LANCL1: variants seen among roughly 807,000 people sequenced by gnomAD.
LANCL1 encodes LanC like glutathione S-transferase 1, also known as glutathione S-transferase LANCL1.
LANCL1 carries 50 observed loss-of-function variants against 50.6 expected under a neutral mutation model. The ratio of observed to expected loss-of-function variants is 0.99; its 90% CI spans 0.79 to 1.25. The LOEUF is 1.25. Ranked by LOEUF, LANCL1 falls within the 50% of genes most tolerant of loss-of-function variation. The pLI is 0.00. For missense variants in LANCL1, 532 were observed against 480.7 expected (o/e 1.11, Z -1.00); for synonymous variants, 188 against 178.6 (o/e 1.05, Z -0.42).
At chr2:210,459,833 G>A (rs559319347) in intron 3 of LANCL1, among the ~76,000 whole-genome samples, 2 of 151,746 alleles carry the variant, frequency 1.3e-5, no homozygotes, top group Admixed American at 6.6e-5. Flanking sequence ...GCTTCAGCAC[G>A]AAAGCTGTGA....
chr2:210,477,441 A>C (rs1028780560), upstream of LANCL1: 8 of 1,031,422 alleles, frequency 7.8e-6, no homozygotes, highest in African/African-American at 1.3e-4. Context: ...ATTTAAAATT[A>C]AATCCCACCT....
chr2:210,463,455 T>C (rs1450800777), intron 3 of LANCL1, among the ~76,000 whole-genome samples: 1 of 152,184 alleles, frequency 6.6e-6, no homozygotes, highest in Admixed American at 6.5e-5. Context: ...ACAGTAGTTA[T>C]TGGTGTACGT....
chr2:210,465,036 G>A (rs557983863), intron 3 of LANCL1, among the ~76,000 whole-genome samples: 2 of 151,822 alleles, frequency 1.3e-5, no homozygotes, highest in East Asian at 3.9e-4. Flanking sequence ...AGTCAAGAGA[G>A]ATGTCAAAAA....
intron 2 of LANCL1, among the ~76,000 whole-genome samples, chr2:210,475,177 T>G (rs190583229): frequency 2.0e-5 from 3 of 152,250 alleles, no homozygotes; most frequent in Admixed American, 2.0e-4. Context: ...AAAACAACCA[T>G]CAGACCCACA....
chr2:210,455,567 C>T (rs916220005), intron 3 of LANCL1, among the ~76,000 whole-genome samples: 2 of 152,084 alleles, frequency 1.3e-5, no homozygotes, highest in African/African-American at 4.8e-5. Flanking sequence ...GTCTCTAAGG[C>T]TCTGGCCAAT....
Position 210,451,872 on chromosome 2 carries a change from T to A in LANCL1, c.407+3235A>T, listed in dbSNP as rs1396185277. Among the ~76,000 whole-genome samples the A allele has an allele frequency of 2.0e-5, 3 of 152,232 alleles. No individual in the cohort carries two copies. In the East Asian group the frequency reaches 5.8e-4, roughly 29 times the overall value. ...GTCATTGAAAGGAACAAAGTTTTGATACATTCTATAACGTAGATAAACCTT... is the reference window on the plus strand; with the variant it reads ...GTCATTGAAAGGAACAAAGTTTTGAAACATTCTATAACGTAGATAAACCTT... On this transcript the variant is annotated intron_variant, in intron 4 of 9. Transcript: ENST00000450366.
chr2:210,469,509 A>C (rs866266427), intron 3 of LANCL1, among the ~76,000 whole-genome samples: 1 of 152,144 alleles, frequency 6.6e-6, no homozygotes, highest in Non-Finnish European at 1.5e-5. Flanking sequence ...ATTTATCTAG[A>C]AGATTTTACG....
In LANCL1 at chr2:210,441,187, G is replaced by A. The variant is rs550426874; in HGVS notation, c.543+121C>T. 3.5e-5 allele frequency: 35 copies of A among 990,996 alleles called. No homozygotes were observed. The East Asian group carries it at 8.0e-4, about 23-fold the overall frequency. The allele number at this position is 990,996 out of a possible 1,614,324, so 61.4% of individuals were successfully genotyped here. On this transcript the variant is annotated intron_variant, in intron 5 of 9. Coordinates refer to ENST00000450366, the MANE Select transcript of LANCL1 (RefSeq NM_006055.3). The stretch of plus-strand genomic sequence containing the variant: ...TCTTGGACTGTGCCCAACCTTTAGA[G>A]GTCCAGATACACCTTCCTTTATATG...
At chr2:210,460,207 G>A (rs757940077) in intron 3 of LANCL1, among the ~76,000 whole-genome samples, 2 of 152,090 alleles carry the variant, frequency 1.3e-5, no homozygotes, top group East Asian at 1.9e-4. Flanking sequence ...TTTGTGCCAC[G>A]GTACTTTAGC....
rs544241932 is a variant in LANCL1, at chr2:210,451,049, G to A, written c.407+4058C>T. Among the ~76,000 whole-genome samples the A allele has an allele frequency of 7.0e-4, 107 of 152,164 alleles. 3 individuals carry two copies. In the South Asian group the frequency reaches 0.022, roughly 32 times the overall value. On this transcript the variant is annotated intron_variant, in intron 4 of 9. Transcript: ENST00000450366. Reference sequence around the variant, plus strand: ...GCACACGTATGTTTATTGCAACACTGTTCACAATAGCAAAGACATGGAACC... The same window carrying A: ...GCACACGTATGTTTATTGCAACACTATTCACAATAGCAAAGACATGGAACC...
At chr2:210,477,425 T>C (rs143301543), upstream of LANCL1, 20 of 861,224 alleles carry the variant, frequency 2.3e-5, no homozygotes, top group Admixed American at 3.8e-4. Context: ...GAAACATTTT[T>C]CTTTCATTTA....
At chr2:210,439,125 G>A (rs372427596) in intron 6 of LANCL1, among the ~76,000 whole-genome samples, 82 of 152,288 alleles carry the variant, frequency 5.4e-4, no homozygotes, top group African/African-American at 1.9e-3. Flanking sequence ...CCTCAAACTT[G>A]CAGGAATTAC....
Position 210,437,879 on chromosome 2 carries a change from A to G in LANCL1, c.691-7T>C. ...GGCTCACTTGAAGGCTGGGCTAAAA[A>G]TGAGAAGGAAATTATTAGTTCTGCT... On this transcript the variant is annotated splice_polypyrimidine_tract_variant and splice_region_variant and intron_variant, in intron 6 of 9. Transcript: ENST00000450366. 6.3e-7 allele frequency: 1 copy of G among 1,578,328 alleles called. No homozygotes were observed. Among genetic ancestry groups the G allele is most frequent in the Non-Finnish European group, 8.6e-7 (1 of 1,164,042 alleles).
chr2:210,455,106 C>T lies in LANCL1; in HGVS notation c.407+1G>A. On this transcript the variant is annotated splice_donor_variant, in intron 4 of 9. Coordinates refer to ENST00000450366, the MANE Select transcript of LANCL1 (RefSeq NM_006055.3). LOFTEE classifies it high-confidence loss of function. ...TAATCCTCATATAGAAACATGATTACCGTGTGATGCAATCTTCTGCCTGCT... is the reference window on the plus strand; with the variant it reads ...TAATCCTCATATAGAAACATGATTATCGTGTGATGCAATCTTCTGCCTGCT... 6.2e-7 allele frequency: 1 copy of T among 1,610,074 alleles called. No individual in the cohort carries two copies. Among genetic ancestry groups the T allele is most frequent in the African/African-American group, 1.3e-5 (1 of 74,884 alleles).
At chr2:210,467,411 C>T (rs1694100160) in intron 3 of LANCL1, among the ~76,000 whole-genome samples, 1 of 152,194 alleles carries the variant, frequency 6.6e-6, no homozygotes, top group African/African-American at 2.4e-5. Context: ...TCTTTATTTT[C>T]CTCCTCTTCC....
chr2:210,436,169 GGT>G (rs1484083884), intron 8 of LANCL1, 45 bp downstream of exon 8: 1 of 1,556,784 alleles, frequency 6.4e-7, no homozygotes, highest in Non-Finnish European at 8.8e-7. Context: ...GAGATTTACA[GGT>G]GTGAGCCACC....
chr2:210,437,934 A>G, intron 6 of LANCL1, 62 bp from the exon 7 acceptor site: 2 of 1,223,740 alleles, frequency 1.6e-6, no homozygotes, highest in Non-Finnish European at 2.2e-6. Flanking sequence ...AGGTCTCAGT[A>G]TATTTAAACC....
chr2:210,445,677 ACTCT>A (rs1412144137), intron 4 of LANCL1, among the ~76,000 whole-genome samples: 5 of 152,136 alleles, frequency 3.3e-5, no homozygotes, highest in African/African-American at 1.2e-4. Flanking sequence ...GTTTTCAGAA[ACTCT>A]CAAACTAACA....
Position 210,434,307 on chromosome 2 carries a change from C to G in LANCL1, c.*180G>C, listed in dbSNP as rs976557691. ...AGTTAAAAGACTTCCTTGGATACTT[C>G]TAAGTAAAAGTAAATGATAATGGAA... On this transcript the variant is annotated 3_prime_UTR_variant, in exon 10 of 10. Transcript: ENST00000450366. The G allele has an allele frequency of 1.8e-6, 1 of 549,398 alleles. No homozygotes were observed. The highest frequency in any genetic ancestry group is 1.9e-5 in the African/African-American group (1 of 52,650). 34.0% of individuals were successfully genotyped at this position (549,398 alleles called of 1,614,324 possible).
Sources: allele counts gnomAD v4.1 joint callset (sites outside exome capture counted in the v4.1 genomes callset), GRCh38; gene constraint gnomAD v4.1.1; transcripts MANE v1.5; gene names NCBI Gene and HGNC (gene_info 2026-07-23, HGNC 2026-07-21).